CRTAP: variants seen among roughly 807,000 people sequenced by gnomAD.
CRTAP encodes cartilage associated protein, also known as cartilage-associated protein.
A neutral mutation model predicts 42.7 loss-of-function variants in CRTAP; 33 were observed. The ratio of observed to expected loss-of-function variants is 0.77; its 90% CI spans 0.59 to 1.03. The LOEUF (loss-of-function observed/expected upper bound fraction) is 1.03, where lower values mean the gene tolerates loss of function less well. Among genes scored for constraint, CRTAP ranks in the 50% least tolerant of loss-of-function variants. The pLI, the probability that CRTAP is intolerant of heterozygous loss-of-function variation, is 0.00. For missense variants in CRTAP, 613 were observed against 533.9 expected (o/e 1.15, Z -1.46); for synonymous variants, 243 against 217.7 (o/e 1.12, Z -1.02).
Position 33,142,745 on chromosome 3 carries a change from C to T in CRTAP, c.*297C>T. On this transcript the variant is annotated 3_prime_UTR_variant, in exon 7 of 7. Coordinates refer to ENST00000320954, the MANE Select transcript of CRTAP (RefSeq NM_006371.5). Reference sequence around the variant, plus strand: ...TCTCAGCTCACTGCAACCTCCGCCTCTTGGGTTCAAGCAATTCTGCTGCAT... The same window carrying T: ...TCTCAGCTCACTGCAACCTCCGCCTTTTGGGTTCAAGCAATTCTGCTGCAT... The T allele has an allele frequency of 3.0e-6, 1 of 330,258 alleles. No homozygotes were observed. The allele number at this position is 330,258 out of a possible 1,614,324, so 20.5% of individuals were successfully genotyped here.
intron 6 of CRTAP, among the ~76,000 whole-genome samples, chr3:33,137,225 C>T (rs1198469336): frequency 6.6e-6 from 1 of 152,156 alleles, no homozygotes; most frequent in Admixed American, 6.5e-5. Context: ...ACTGCAACCT[C>T]CGCCTCCCAG....
rs2030756828 is a variant in CRTAP at position 33,147,670 on chromosome 3, G to T, written c.*5222G>T. ...TTTTCTGCCTCCCCTCTTTGGGTTAGTGTGGTATGTACAAGCTCACTCTTG... is the reference window on the plus strand; with the variant it reads ...TTTTCTGCCTCCCCTCTTTGGGTTATTGTGGTATGTACAAGCTCACTCTTG... On this transcript the variant is annotated 3_prime_UTR_variant, in exon 7 of 7. Coordinates refer to ENST00000320954, the MANE Select transcript of CRTAP (RefSeq NM_006371.5). 1 of 152,236 alleles carries T rather than the reference G, an allele frequency of 6.6e-6. No individual in the cohort carries two copies. Among genetic ancestry groups the T allele is most frequent in the Admixed American group, 6.5e-5 (1 of 15,282 alleles). 9.4% of individuals were successfully genotyped at this position (152,236 alleles called of 1,614,324 possible).
intron 4 of CRTAP, 151 bp from the exon 5 acceptor site, chr3:33,132,404 C>G: frequency 9.3e-7 from 1 of 1,080,034 alleles, no homozygotes; most frequent in South Asian, 1.3e-5. Flanking sequence ...CATCTGTGGC[C>G]TGCCCACCCA....
At position 33,138,084 on chromosome 3, in the gene CRTAP, T is replaced by C. The variant is rs543718972; in HGVS notation, c.1152+3819T>C. Among the ~76,000 whole-genome samples the C allele has an allele frequency of 1.3e-3, 193 of 152,096 alleles. 1 individual carries two copies. Among genetic ancestry groups the C allele is most frequent in the African/African-American group, 4.6e-3 (190 of 41,378 alleles). ...TATCCTTAAAGTTAGTACTACACTG[T>C]CTTCATTAATATAGCTTTTTTTTTT... is the stretch of plus-strand genomic sequence containing the variant. On this transcript the variant is annotated intron_variant, in intron 6 of 6. Transcript: ENST00000320954.
intron 1 of CRTAP, among the ~76,000 whole-genome samples, chr3:33,114,778 A>T (rs1386203745): frequency 6.6e-6 from 1 of 152,240 alleles, no homozygotes; most frequent in Non-Finnish European, 1.5e-5. Context: ...ATACGTACAC[A>T]GAACGCAGTA....
chr3:33,140,146 G>C (rs943968085), intron 6 of CRTAP, among the ~76,000 whole-genome samples: 1 of 152,154 alleles, frequency 6.6e-6, no homozygotes, highest in Non-Finnish European at 1.5e-5. Flanking sequence ...AGAACACGAA[G>C]AGATTTTTCA....
chr3:33,136,034 C>T (rs2030410145), intron 6 of CRTAP, among the ~76,000 whole-genome samples: 1 of 152,196 alleles, frequency 6.6e-6, no homozygotes, highest in South Asian at 2.1e-4. Flanking sequence ...TCCCATTTCT[C>T]CTCTGGGCCA....
rs1403108731 is a variant in CRTAP, at chr3:33,114,484, G to A, written c.407G>A (p.Arg136His). 2 of 1,602,990 alleles carry A rather than the reference G, an allele frequency of 1.2e-6. No individual in the cohort carries two copies. Among genetic ancestry groups the A allele is most frequent in the Non-Finnish European group, 1.7e-6 (2 of 1,176,680 alleles). Residue 136 changes from arginine to histidine, a missense_variant, in exon 1 of 7, where the codon CGC becomes CAC. Transcript: ENST00000320954. ...LPAFRQSQPSREVLADFQRRE... is the reference protein window; with the variant it reads ...LPAFRQSQPSHEVLADFQRRE... ...GCCTTCCGCCAGTCCCAGCCCAGCC[G>A]CGAGGTGCTGGCGGACTTCCAGCGC...
intron 1 of CRTAP, 80 bp downstream of exon 1, chr3:33,114,628 G>A (rs2125596256): frequency 7.2e-7 from 1 of 1,385,196 alleles, no homozygotes; most frequent in Non-Finnish European, 9.9e-7. Context: ...CCCTGCGCCC[G>A]GGGCCGCGTT....
intron 2 of CRTAP, among the ~76,000 whole-genome samples, chr3:33,121,295 C>T (rs1163421018): frequency 6.6e-6 from 1 of 152,048 alleles, no homozygotes; most frequent in Non-Finnish European, 1.5e-5. Flanking sequence ...GTCTGTAAAC[C>T]CAGCTACTCG....
chr3:33,120,801 G>A (rs1337431396), intron 2 of CRTAP, among the ~76,000 whole-genome samples: 3 of 152,030 alleles, frequency 2.0e-5, no homozygotes, highest in Non-Finnish European at 4.4e-5. Context: ...AAAATGACCA[G>A]GAACACAAGA....
At chr3:33,131,154 C>T (rs367771215) in intron 4 of CRTAP, among the ~76,000 whole-genome samples, 7 of 152,080 alleles carry the variant, frequency 4.6e-5, no homozygotes, top group African/African-American at 7.2e-5. Context: ...TCCCCTGGGT[C>T]GCCCCTTCAC....
At chr3:33,136,667 A>T (rs1268709624) in intron 6 of CRTAP, among the ~76,000 whole-genome samples, 1 of 152,186 alleles carries the variant, frequency 6.6e-6, no homozygotes, top group African/African-American at 2.4e-5. Context: ...CAGGAAGCTT[A>T]TGGTCATGGC....
intron 1 of CRTAP, chr3:33,115,326 G>T (rs892482062): frequency 6.6e-6 from 1 of 152,112 alleles, no homozygotes; most frequent in Non-Finnish European, 1.5e-5. Flanking sequence ...TGCTTAAAGG[G>T]GAACTCGTGC....
At position 33,120,363 on chromosome 3, in the gene CRTAP, C is replaced by A. The variant is rs1396474492; in HGVS notation, c.491C>A (p.Ala164Asp). 1.2e-6 allele frequency: 2 copies of A among 1,614,000 alleles called. No individual in the cohort carries two copies. The highest frequency in any genetic ancestry group is 3.3e-5 in the Admixed American group (2 of 60,000). Residue 164 changes from alanine to aspartate, a missense_variant, in exon 2 of 7, where the codon GCC (alanine) becomes GAC (aspartate). Ala to Asp is a moderately radical substitution (Grantham distance 126). Coordinates refer to ENST00000320954, the MANE Select transcript of CRTAP (RefSeq NM_006371.5). ...AYFKANNLPK[A>D]IAAAHTFLLK... ...TTTTAGGCAAATAATCTCCCCAAAG[C>A]CATCGCCGCTGCTCACACCTTTCTA... is the stretch of plus-strand genomic sequence containing the variant.
chr3:33,124,270 A>T, intron 2 of CRTAP, 138 bp from the exon 3 acceptor site: 1 of 874,944 alleles, frequency 1.1e-6, no homozygotes, highest in Non-Finnish European at 1.9e-6. Flanking sequence ...TCACTGATTG[A>T]CTTCTTCAAG....
intron 6 of CRTAP, among the ~76,000 whole-genome samples, chr3:33,137,683 C>G (rs947834196): frequency 2.6e-5 from 4 of 152,128 alleles, no homozygotes; most frequent in African/African-American, 9.7e-5. Flanking sequence ...TGTCTTGAAG[C>G]ACAAGTTTTC....
In CRTAP at chr3:33,114,186, C is replaced by T. The variant is rs1411930231; in HGVS notation, c.109C>T (p.Pro37Ser). Reference protein sequence around the residue: ...QYERYSFRSFPRDELMPLESA... With the variant: ...QYERYSFRSFSRDELMPLESA... ...CGAACGCTACAGCTTCCGCAGCTTCCCACGGGACGAGCTGATGCCGCTCGA... is the reference window on the plus strand; with the variant it reads ...CGAACGCTACAGCTTCCGCAGCTTCTCACGGGACGAGCTGATGCCGCTCGA... Residue 37 changes from proline to serine, a missense_variant, in exon 1 of 7, where the codon CCA (proline) becomes TCA (serine). By Grantham distance (74) the Pro-to-Ser change is moderately conservative. Transcript: ENST00000320954. 6.3e-7 allele frequency: 1 copy of T among 1,593,122 alleles called. No individual in the cohort carries two copies.
Position 33,114,093 on chromosome 3 carries a change from C to G in CRTAP, c.16C>G (p.Arg6Gly). 8.9e-6 allele frequency: 13 copies of G among 1,462,934 alleles called. No individual in the cohort carries two copies. Among genetic ancestry groups the G allele is most frequent in the Non-Finnish European group, 1.2e-5 (13 of 1,114,824 alleles). The allele number at this position is 1,462,934 out of a possible 1,614,324, so 90.6% of individuals were successfully genotyped here. A position where few individuals can be genotyped will look rare whatever the true frequency, so the allele number is the denominator to read the frequency against. ...GCCGGGCGCGATGGAGCCGGGGCGCCGGGGGGCCGCGGCGCTGCTAGCGCT... is the reference window on the plus strand; with the variant it reads ...GCCGGGCGCGATGGAGCCGGGGCGCGGGGGGGCCGCGGCGCTGCTAGCGCT... MEPGR[R>G]GAAALLALLC... Residue 6 changes from arginine to glycine, a missense_variant, in exon 1 of 7, where the codon CGG becomes GGG. By Grantham distance (125) the Arg-to-Gly change is moderately radical (BLOSUM62 -2). Transcript: ENST00000320954.
Sources: allele counts gnomAD v4.1 joint callset (sites outside exome capture counted in the v4.1 genomes callset), GRCh38; gene constraint gnomAD v4.1.1; transcripts MANE v1.5; gene names NCBI Gene and HGNC (gene_info 2026-07-23, HGNC 2026-07-21).